The following CUX1 variants were observed in gnomAD, a reference collection of about 807,000 sequenced individuals.
CUX1 encodes protein CASP.
In CUX1, 31 loss-of-function variants were observed where a neutral mutation model predicts 158.8. The observed-to-expected ratio is 0.20, with a 90% CI of 0.15 to 0.26. CUX1 has a LOEUF of 0.26. Ranked by LOEUF, CUX1 falls within the 10% of genes least tolerant of loss-of-function variation. The pLI, the probability that CUX1 is intolerant of heterozygous loss-of-function variation, is 1.00. For synonymous variants in CUX1, 879 were observed against 862.1 expected (o/e 1.02, Z -0.34); for missense variants, 1,589 against 2,014.6 (o/e 0.79, Z 4.04).
At position 102,254,034 on chromosome 7, in the gene CUX1, A is replaced by G; in HGVS notation, c.*4992A>G. 1 of 985,524 alleles carries G rather than the reference A, an allele frequency of 1.0e-6. No individual in the cohort carries two copies. Among genetic ancestry groups the G allele is most frequent in the African/African-American group, 1.7e-5 (1 of 57,372 alleles). 61.0% of individuals were successfully genotyped at this position (985,524 alleles called of 1,614,324 possible). On this transcript the variant is annotated 3_prime_UTR_variant, in exon 24 of 24. Coordinates refer to ENST00000292535, the MANE Select transcript of CUX1 (RefSeq NM_181552.4). ...AGAGCAGAAAAGCTGCCAGCGCAGC[A>G]GACACGAACATCCCTCTGCCTGGTG...
chr7:101,904,173 G>A (rs11760677), intron 1 of CUX1, among the ~76,000 whole-genome samples: 30,229 of 151,316 alleles, frequency 0.2, 3,836 homozygotes, highest in Non-Finnish European at 0.28. Context: ...GGTGGCACGC[G>A]CCCGTAATCC....
At chr7:102,177,650 C>G (rs1244573463) in intron 10 of CUX1, among the ~76,000 whole-genome samples, 3 of 151,920 alleles carry the variant, frequency 2.0e-5, no homozygotes, top group Non-Finnish European at 2.9e-5. Context: ...GCTCAGCAGC[C>G]CCTCCCCACC....
chr7:101,874,805 G>A (rs1380954512), intron 1 of CUX1, among the ~76,000 whole-genome samples: 1 of 152,224 alleles, frequency 6.6e-6, no homozygotes, highest in African/African-American at 2.4e-5. Flanking sequence ...GTACCACGTG[G>A]TTGATACCAT....
intron 23 of CUX1, among the ~76,000 whole-genome samples, chr7:102,245,197 C>T (rs1202610119): frequency 7.2e-5 from 11 of 151,986 alleles, no homozygotes; most frequent in African/African-American, 2.4e-4. Flanking sequence ...TGCATGCCAC[C>T]ACACCTGGCT....
chr7:102,093,369 A>G (rs782396447), intron 4 of CUX1, among the ~76,000 whole-genome samples: 4 of 152,012 alleles, frequency 2.6e-5, no homozygotes, highest in Non-Finnish European at 4.4e-5. Flanking sequence ...TATTTTTTCC[A>G]GAGACAGGGT....
chr7:101,914,362 C>G (rs1803893437), intron 1 of CUX1, among the ~76,000 whole-genome samples: 1 of 140,494 alleles, frequency 7.1e-6, no homozygotes, highest in Admixed American at 7.3e-5. Context: ...TTCCTTCCTT[C>G]CTTCCTTCCC....
chr7:101,973,139 A>C (rs939337313), intron 2 of CUX1, among the ~76,000 whole-genome samples: 12 of 152,130 alleles, frequency 7.9e-5, no homozygotes, highest in African/African-American at 2.9e-4. Flanking sequence ...ACCGGTATCC[A>C]TCAGAGCGTG....
At chr7:101,998,020 A>T (rs1816191457) in intron 2 of CUX1, among the ~76,000 whole-genome samples, 1 of 152,164 alleles carries the variant, frequency 6.6e-6, no homozygotes, top group Non-Finnish European at 1.5e-5. Flanking sequence ...CAGTGCCTGT[A>T]TCTTAAATTG....
chr7:101,924,545 T>C (rs989367519), intron 2 of CUX1, among the ~76,000 whole-genome samples: 2 of 150,186 alleles, frequency 1.3e-5, no homozygotes, highest in Non-Finnish European at 3.0e-5. Flanking sequence ...TCACATATCA[T>C]CCCAATTACT....
chr7:101,902,649 G>T (rs1423287833), intron 1 of CUX1, among the ~76,000 whole-genome samples: 1 of 152,192 alleles, frequency 6.6e-6, no homozygotes, highest in Non-Finnish European at 1.5e-5. Context: ...CTCTGTGCCG[G>T]ATGCAGCTGT....
At chr7:102,130,896 C>G (rs1176210753) in intron 8 of CUX1, among the ~76,000 whole-genome samples, 1 of 151,840 alleles carries the variant, frequency 6.6e-6, no homozygotes, top group Non-Finnish European at 1.5e-5. Flanking sequence ...CGCCTGTAAT[C>G]CCAGCACTTT....
At chr7:101,974,148 G>A (rs1351104692) in intron 2 of CUX1, among the ~76,000 whole-genome samples, 3 of 149,402 alleles carry the variant, frequency 2.0e-5, no homozygotes, top group Admixed American at 6.7e-5. Context: ...TCACTGCAAC[G>A]TCCACCTCCC....
chr7:102,274,516 C>T (rs947976381), intron 16 of CUX1, among the ~76,000 whole-genome samples: 2 of 152,154 alleles, frequency 1.3e-5, no homozygotes, highest in African/African-American at 2.4e-5. Flanking sequence ...CTTTGGAGGC[C>T]GAGGTGGGAG....
chr7:102,211,765 G>A (rs1796555524), intron 20 of CUX1, among the ~76,000 whole-genome samples: 1 of 125,070 alleles, frequency 8.0e-6, no homozygotes, highest in African/African-American at 2.9e-5. Context: ...GGTGACAAGA[G>A]TGAAACTCCA....
chr7:102,101,953 CGA>C (rs1829823396), intron 5 of CUX1, among the ~76,000 whole-genome samples: 1 of 151,696 alleles, frequency 6.6e-6, no homozygotes, highest in Admixed American at 6.6e-5. Context: ...TATGTTTACA[CGA>C]GAGTGTAGAC....
chr7:102,123,327 C>T (rs1307004456), intron 8 of CUX1, among the ~76,000 whole-genome samples: 3 of 151,906 alleles, frequency 2.0e-5, no homozygotes, highest in South Asian at 2.1e-4. Flanking sequence ...AAATTTTTAT[C>T]GGCCGGGCGC....
At chr7:101,817,549 C>G, upstream of CUX1, 1 of 1,290,492 alleles carries the variant, frequency 7.7e-7, no homozygotes, top group Non-Finnish European at 9.8e-7. The surrounding 1 kb of genome is among the most constrained non-coding windows in gnomAD (Gnocchi z 4.1). Context: ...CCACCCCCCG[C>G]CCGGAGGAGC....
intron 1 of CUX1, among the ~76,000 whole-genome samples, chr7:101,901,702 A>G (rs1359598196): frequency 1.3e-5 from 2 of 152,096 alleles, no homozygotes; most frequent in African/African-American, 4.8e-5. Context: ...GCACACACAC[A>G]CTAGGTGGTT....
At chr7:102,142,454 C>T (rs138566398) in intron 8 of CUX1, among the ~76,000 whole-genome samples, 249 of 152,274 alleles carry the variant, frequency 1.6e-3, no homozygotes, top group African/African-American at 5.7e-3. Context: ...CCTTCCTAAA[C>T]AGCCTTTAAA....
Sources: allele counts gnomAD v4.1 joint callset (sites outside exome capture counted in the v4.1 genomes callset), GRCh38; gene constraint gnomAD v4.1.1; non-coding constraint Gnocchi (gnomAD v3.1); transcripts MANE v1.5; gene names NCBI Gene and HGNC (gene_info 2026-07-23, HGNC 2026-07-21).